The following PTPRN2 variants were observed in gnomAD, a reference collection of about 807,000 sequenced individuals.
PTPRN2 encodes the protein receptor-type tyrosine-protein phosphatase N2.
Under a neutral mutation model 118.8 loss-of-function variants are expected in PTPRN2, and 74 were observed. That is an observed-to-expected ratio of 0.62 (90% CI 0.52 to 0.76). The LOEUF (loss-of-function observed/expected upper bound fraction) is 0.76. Among genes scored for constraint, PTPRN2 ranks in the 30% least tolerant of loss-of-function variants. The pLI is 0.00. For synonymous variants in PTPRN2, 641 were observed against 608.0 expected, an observed-to-expected ratio of 1.05 and a Z score of -0.80; for missense variants, 1,481 against 1,394.4, an observed-to-expected ratio of 1.06 and a Z score of -0.99.
intron 12 of PTPRN2, among the ~76,000 whole-genome samples, chr7:157,826,528 T>A (rs575753583): frequency 2.1e-3 from 231 of 112,620 alleles, no homozygotes; most frequent in Non-Finnish European, 3.7e-3. Flanking sequence ...ATCGTCACAA[T>A]CGCGAGCGCC....
chr7:158,346,865 T>A (rs1807550435), intron 2 of PTPRN2, among the ~76,000 whole-genome samples: 1 of 152,258 alleles, frequency 6.6e-6, no homozygotes, highest in Admixed American at 6.5e-5. Flanking sequence ...CAGTTGAGCA[T>A]CTTTTCACAT....
At chr7:158,337,508 C>A (rs1296456450) in intron 2 of PTPRN2, among the ~76,000 whole-genome samples, 1 of 151,528 alleles carries the variant, frequency 6.6e-6, no homozygotes, top group Non-Finnish European at 1.5e-5. Flanking sequence ...CACTCGCACC[C>A]ACACTCTCAC....
intron 2 of PTPRN2, among the ~76,000 whole-genome samples, chr7:158,381,228 T>C (rs2151345741): frequency 6.6e-6 from 1 of 152,340 alleles, no homozygotes; most frequent in East Asian, 1.9e-4. Context: ...TTTTATTTTC[T>C]ATCACACTGT....
chr7:158,336,451 T>C lies in PTPRN2; in HGVS notation c.164-19519A>G, dbSNP rs1424403203. On this transcript the variant is annotated intron_variant, in intron 2 of 22. Coordinates refer to ENST00000389418, the MANE Select transcript of PTPRN2 (RefSeq NM_002847.5). ...TGCAGACGTCACTCACACCCACACA[T>C]GTCACTCACACCCACACTCTCACCA... Among the ~76,000 whole-genome samples, 48 of 15,636 alleles carry C rather than the reference T, an allele frequency of 3.1e-3. 1 individual carries two copies. Among genetic ancestry groups the C allele is most frequent in the Admixed American group, 7.8e-3 (8 of 1,028 alleles). The allele number at this position is 15,636 out of a possible 152,430, so 10.3% of individuals were successfully genotyped here.
intron 14 of PTPRN2, among the ~76,000 whole-genome samples, chr7:157,642,814 C>CAAAAAAA (rs11335302): frequency 0.022 from 544 of 24,214 alleles, 110 homozygotes; most frequent in East Asian, 0.058. Context: ...CAAGAAACAG[C>CAAAAAAA]AAAAAAAAAA....
At chr7:158,415,844 G>T (rs1347062346) in intron 2 of PTPRN2, among the ~76,000 whole-genome samples, 1 of 152,200 alleles carries the variant, frequency 6.6e-6, no homozygotes, top group African/African-American at 2.4e-5. Flanking sequence ...AGGGACTTCA[G>T]AGTAGTTCAT....
intron 3 of PTPRN2, among the ~76,000 whole-genome samples, chr7:158,253,610 G>A (rs187306286): frequency 2.1e-3 from 322 of 152,292 alleles, no homozygotes; most frequent in Non-Finnish European, 2.8e-3. Flanking sequence ...TCCCCTCGGC[G>A]GTGGTCAGGT....
At chr7:158,200,235 T>C (rs573893500) in intron 4 of PTPRN2, among the ~76,000 whole-genome samples, 1 of 152,272 alleles carries the variant, frequency 6.6e-6, no homozygotes, top group South Asian at 2.1e-4. Context: ...TAGCCATGGA[T>C]TAATCAGGCA....
At chr7:158,390,818 C>A (rs545942025) in intron 2 of PTPRN2, among the ~76,000 whole-genome samples, 1 of 152,176 alleles carries the variant, frequency 6.6e-6, no homozygotes, top group Admixed American at 6.5e-5. Context: ...TCTCAAAATG[C>A]GAAGCTCAAG....
intron 12 of PTPRN2, among the ~76,000 whole-genome samples, chr7:157,772,469 G>C (rs546329409): frequency 6.6e-6 from 1 of 152,240 alleles, no homozygotes; most frequent in Non-Finnish European, 1.5e-5. Context: ...TGCAGTGTGA[G>C]CCCAGCAGAG....
intron 5 of PTPRN2, among the ~76,000 whole-genome samples, chr7:158,173,300 G>C (rs554590832): frequency 2.0e-4 from 31 of 152,300 alleles, no homozygotes; most frequent in African/African-American, 7.0e-4. Flanking sequence ...GTGTTGGCCA[G>C]TCTGAGAAAT....
intron 12 of PTPRN2, among the ~76,000 whole-genome samples, chr7:157,775,833 G>A (rs1803176470): frequency 6.6e-6 from 1 of 152,114 alleles, no homozygotes; most frequent in Admixed American, 6.5e-5. Flanking sequence ...AGCCTGGCGT[G>A]GCCAGAACTG....
In PTPRN2 at chr7:158,517,874, T is replaced by C. The variant is rs80270686; in HGVS notation, c.113-28089A>G. Among the ~76,000 whole-genome samples, 796 of 152,228 alleles carry C rather than the reference T, an allele frequency of 5.2e-3. 12 individuals are homozygous for C. The highest frequency in any genetic ancestry group is 0.018 in the African/African-American group (763 of 41,514). ...TGTTCCCACCAGGCCTTCACTAACA[T>C]GCCACTGCAGAAAAACCTTCCCTCC... On this transcript the variant is annotated intron_variant, in intron 1 of 22. Coordinates refer to ENST00000389418, the MANE Select transcript of PTPRN2 (RefSeq NM_002847.5). This position sits in a 1 kb window ranked among gnomAD's most constrained non-coding sequence, Gnocchi z 5.3.
intron 11 of PTPRN2, among the ~76,000 whole-genome samples, chr7:157,994,333 G>A (rs1000672871): frequency 6.6e-6 from 1 of 152,156 alleles, no homozygotes; most frequent in Admixed American, 6.5e-5. Flanking sequence ...TCTTAAAGCT[G>A]ACAGAAAATA....
intron 12 of PTPRN2, among the ~76,000 whole-genome samples, chr7:157,878,180 G>C (rs1404889409): frequency 6.6e-6 from 1 of 152,252 alleles, no homozygotes; most frequent in Non-Finnish European, 1.5e-5. Flanking sequence ...GGTGGCCTGT[G>C]GTCCACGGGA....
At chr7:158,027,716 G>A (rs1807385300) in intron 11 of PTPRN2, 1 of 152,258 alleles carries the variant, frequency 6.6e-6, no homozygotes. Flanking sequence ...GCAAGACAGA[G>A]TTTGGGACGG....
At chr7:158,034,517 G>A (rs186972762) in intron 11 of PTPRN2, among the ~76,000 whole-genome samples, 23 of 152,090 alleles carry the variant, frequency 1.5e-4, no homozygotes, top group South Asian at 4.1e-4. Flanking sequence ...CATGTAAGAC[G>A]GGACTTGCTC....
At chr7:158,238,441 G>A (rs1795690347) in intron 3 of PTPRN2, among the ~76,000 whole-genome samples, 1 of 152,130 alleles carries the variant, frequency 6.6e-6, no homozygotes, top group Admixed American at 6.5e-5. Flanking sequence ...AAGGCTTCTG[G>A]TCTCTGCCGC....
chr7:157,958,569 G>A (rs1289518981), intron 11 of PTPRN2, among the ~76,000 whole-genome samples: 1 of 151,782 alleles, frequency 6.6e-6, no homozygotes, highest in Non-Finnish European at 1.5e-5. Context: ...AAAGTTGCAG[G>A]GTATAAAATC....
Sources: allele counts gnomAD v4.1 joint callset (sites outside exome capture counted in the v4.1 genomes callset), GRCh38; gene constraint gnomAD v4.1.1; non-coding constraint Gnocchi (gnomAD v3.1); transcripts MANE v1.5; gene names NCBI Gene and HGNC (gene_info 2026-07-23, HGNC 2026-07-21).